Variants in KIRREL3 observed in about 807,000 individuals in gnomAD.
KIRREL3 encodes kin of IRRE-like protein 3.
A neutral mutation model predicts 89.7 loss-of-function variants in KIRREL3; 36 were observed. That is an observed-to-expected ratio of 0.40 (90% CI 0.31 to 0.53). The LOEUF is 0.53. Among genes scored for constraint, KIRREL3 ranks in the 20% least tolerant of loss-of-function variants. KIRREL3 has a pLI of 0.49. For synonymous variants in KIRREL3, 445 were observed against 441.4 expected (o/e 1.01, Z -0.10); for missense variants, 864 against 1,056.6 (o/e 0.82, Z 2.53).
intron 2 of KIRREL3, among the ~76,000 whole-genome samples, chr11:126,534,212 G>A (rs1959030205): frequency 6.7e-6 from 1 of 148,522 alleles, no homozygotes. Context: ...CCCTGTGGGG[G>A]AGAAGAGGTG....
At chr11:126,888,368 C>T (rs761697325) in intron 1 of KIRREL3, among the ~76,000 whole-genome samples, 6 of 151,976 alleles carry the variant, frequency 3.9e-5, no homozygotes, top group Non-Finnish European at 5.9e-5. Flanking sequence ...ATTTAAAGGG[C>T]CCGTGCCAGA....
Position 126,579,060 on chromosome 11 carries a change from G to A in KIRREL3, c.56-16148C>T, listed in dbSNP as rs1181933553. ...CAAACCCAAAGCCCGTGCTCTGTCC[G>A]TGTGCTGCCTCCGAGAAGCCATGGC... On this transcript the variant is annotated intron_variant, in intron 1 of 16. Transcript: ENST00000525144. This position sits in a 1 kb window ranked among gnomAD's most constrained non-coding sequence, Gnocchi z 5.3. 9.2e-5 allele frequency among the ~76,000 whole-genome samples: 14 copies of A among 152,188 alleles called. No homozygotes were observed. The highest frequency in any genetic ancestry group is 8.3e-4 in the South Asian group (4 of 4,798).
At chr11:126,980,641 T>C (rs1949695936) in intron 1 of KIRREL3, among the ~76,000 whole-genome samples, 1 of 151,932 alleles carries the variant, frequency 6.6e-6, no homozygotes, top group African/African-American at 2.4e-5. Context: ...TGAAAGGCAA[T>C]AGAGATTAAA....
chr11:126,779,268 G>T (rs1950256280), intron 1 of KIRREL3, among the ~76,000 whole-genome samples: 3 of 152,270 alleles, frequency 2.0e-5, no homozygotes, highest in Middle Eastern at 3.4e-3. Context: ...ATCCCCGACA[G>T]ATCTCACCTC....
chr11:126,537,018 T>G lies in KIRREL3; in HGVS notation c.134-10331A>C, dbSNP rs989118325. On this transcript the variant is annotated intron_variant, in intron 2 of 16. Transcript: ENST00000525144. This position sits in a 1 kb window ranked among gnomAD's most constrained non-coding sequence, Gnocchi z 4.3. ...GGCAGGAGGTGGCTCAAGGGTGGGC[T>G]CAATCCCTGCCTCCCCTTTCTCCAC... Among the ~76,000 whole-genome samples, 6 of 152,094 alleles carry G rather than the reference T, an allele frequency of 3.9e-5. No homozygotes were observed. Among genetic ancestry groups the G allele is most frequent in the Non-Finnish European group, 7.3e-5 (5 of 68,034 alleles).
chr11:126,690,079 C>CT (rs1946820086), intron 1 of KIRREL3, among the ~76,000 whole-genome samples: 1 of 152,206 alleles, frequency 6.6e-6, no homozygotes. Flanking sequence ...ATTTGTGTGA[C>CT]TGAGATGTTT....
chr11:126,856,647 G>A (rs185304536), intron 1 of KIRREL3, among the ~76,000 whole-genome samples: 9 of 142,984 alleles, frequency 6.3e-5, no homozygotes, highest in African/African-American at 1.8e-4. Context: ...ACCGAGTCTC[G>A]CTCTGTCGCC....
intron 1 of KIRREL3, among the ~76,000 whole-genome samples, chr11:126,765,899 G>C (rs1821948939): frequency 6.6e-6 from 1 of 151,826 alleles, no homozygotes; most frequent in African/African-American, 2.4e-5. Context: ...TTTGCTACCT[G>C]GGCAAGGAAG....
At chr11:126,629,089 C>G (rs539234603) in intron 1 of KIRREL3, among the ~76,000 whole-genome samples, 218 of 152,360 alleles carry the variant, frequency 1.4e-3, no homozygotes, top group African/African-American at 5.1e-3. Context: ...CCACCTCCCC[C>G]CAACCCCTGC....
At chr11:126,451,291 TGCA>T (rs1358886223) in intron 7 of KIRREL3, among the ~76,000 whole-genome samples, 6 of 150,136 alleles carry the variant, frequency 4.0e-5, no homozygotes, top group African/African-American at 1.5e-4. Flanking sequence ...TGTGCGTGTG[TGCA>T]TGTGTGCATG....
rs1941207083 is a variant in KIRREL3, at chr11:126,575,465, G to A, written c.56-12553C>T. On this transcript the variant is annotated intron_variant, in intron 1 of 16. Coordinates refer to ENST00000525144, the MANE Select transcript of KIRREL3 (RefSeq NM_032531.4). This position sits in a 1 kb window ranked among gnomAD's most constrained non-coding sequence, Gnocchi z 7.0. ...TACAATACTGGGAGGGAAGGGTAAA[G>A]AGAGTTGTGTTCCTAAACCCTGTCT... Among the ~76,000 whole-genome samples, 1 of 152,224 alleles carries A rather than the reference G, an allele frequency of 6.6e-6. No individual in the cohort carries two copies. The highest frequency in any genetic ancestry group is 2.4e-5 in the African/African-American group (1 of 41,454).
At chr11:126,834,987 T>C (rs1943731300) in intron 1 of KIRREL3, among the ~76,000 whole-genome samples, 1 of 152,222 alleles carries the variant, frequency 6.6e-6, no homozygotes, top group South Asian at 2.1e-4. Context: ...CCTCCAGTTG[T>C]GTGTTTTGCA....
In KIRREL3 at chr11:126,976,416, T is replaced by A. The variant is rs950620367; in HGVS notation, c.55+24039A>T. 3.9e-5 allele frequency among the ~76,000 whole-genome samples: 6 copies of A among 152,196 alleles called. No individual in the cohort carries two copies. Among genetic ancestry groups the A allele is most frequent in the Admixed American group, 2.0e-4 (3 of 15,280 alleles). ...ACCGTTACATTAATCTCCTGCAGAT[T>A]TTTTTCTGGAGATTTATATGTTTAC... On this transcript the variant is annotated intron_variant, in intron 1 of 16. Coordinates refer to ENST00000525144, the MANE Select transcript of KIRREL3 (RefSeq NM_032531.4). The surrounding 1 kb of genome is among the most constrained non-coding windows in gnomAD (Gnocchi z 4.2).
intron 1 of KIRREL3, among the ~76,000 whole-genome samples, chr11:126,759,134 A>G (rs1355692702): frequency 6.6e-6 from 1 of 151,996 alleles, no homozygotes; most frequent in African/African-American, 2.4e-5. Context: ...TTTTTGTTGT[A>G]TCGTTTGAGA....
At chr11:126,572,128 G>C (rs1253931897) in intron 1 of KIRREL3, among the ~76,000 whole-genome samples, 1 of 152,180 alleles carries the variant, frequency 6.6e-6, no homozygotes, top group East Asian at 1.9e-4. Context: ...GGGAGGCCAG[G>C]CAGGAAAAGG....
chr11:126,577,303 T>A (rs191179867), intron 1 of KIRREL3, among the ~76,000 whole-genome samples: 4 of 152,178 alleles, frequency 2.6e-5, no homozygotes. Flanking sequence ...TCAGGACTTC[T>A]GCGCTCAGGT....
rs1443983556 is a variant in KIRREL3, at chr11:126,924,347, C to G, written c.55+76108G>C. Among the ~76,000 whole-genome samples, 1 of 152,190 alleles carries G rather than the reference C, an allele frequency of 6.6e-6. No individual in the cohort carries two copies. The highest frequency in any genetic ancestry group is 1.5e-5 in the Non-Finnish European group (1 of 68,036). On this transcript the variant is annotated intron_variant, in intron 1 of 16. Transcript: ENST00000525144. This position sits in a 1 kb window ranked among gnomAD's most constrained non-coding sequence, Gnocchi z 4.7. ...TCTGTCTCATTCTCTTGCTTACACC[C>G]TTCAGAAAGCTGTCTCCCAGCACCT... is the stretch of plus-strand genomic sequence containing the variant.
rs1352734216 is a variant in KIRREL3, at chr11:126,485,537, A to T, written c.434-12071T>A. On this transcript the variant is annotated intron_variant, in intron 4 of 16. Transcript: ENST00000525144. This position sits in a 1 kb window ranked among gnomAD's most constrained non-coding sequence, Gnocchi z 5.8. ...TCATAGATATTATAGTAGCTGTTGTACAGGGCTGGTGTGCTGTTTAAATGA... is the reference window on the plus strand; with the variant it reads ...TCATAGATATTATAGTAGCTGTTGTTCAGGGCTGGTGTGCTGTTTAAATGA... Among the ~76,000 whole-genome samples the T allele has an allele frequency of 6.6e-6, 1 of 152,254 alleles. No individual in the cohort carries two copies. The highest frequency in any genetic ancestry group is 2.4e-5 in the African/African-American group (1 of 41,458).
At chr11:126,533,977 T>A (rs1565530276) in intron 2 of KIRREL3, among the ~76,000 whole-genome samples, 1 of 152,184 alleles carries the variant, frequency 6.6e-6, no homozygotes, top group African/African-American at 2.4e-5. Flanking sequence ...TGACCTGGAA[T>A]GGCAGGTGGC....
Sources: allele counts gnomAD v4.1 joint callset (sites outside exome capture counted in the v4.1 genomes callset), GRCh38; gene constraint gnomAD v4.1.1; non-coding constraint Gnocchi (gnomAD v3.1); transcripts MANE v1.5; gene names NCBI Gene and HGNC (gene_info 2026-07-23, HGNC 2026-07-21).